The following WSCD2 variants were observed in gnomAD, a reference collection of about 807,000 sequenced individuals.
WSCD2 encodes the protein WSC domain sialate O sulfotransferase 2, also known as sialate:O-sulfotransferase 2.
A neutral mutation model predicts 55.7 loss-of-function variants in WSCD2; 28 were observed. That is an observed-to-expected ratio of 0.50 (90% CI 0.37 to 0.69). WSCD2 has a LOEUF of 0.69. WSCD2 is among the 30% of genes least tolerant of loss of function. The pLI, the probability that WSCD2 is intolerant of heterozygous loss-of-function variation, is 0.00. For missense variants in WSCD2, 616 were observed against 762.1 expected, an observed-to-expected ratio of 0.81 and a Z score of 2.26; for synonymous variants, 301 against 301.9, an observed-to-expected ratio of 1.00 and a Z score of 0.03.
Position 108,175,870 on chromosome 12 carries a change from C to T in WSCD2, c.-551-19412C>T, listed in dbSNP as rs150440611. On this transcript the variant is annotated intron_variant, in intron 1 of 8. Coordinates refer to ENST00000547525, the MANE Select transcript of WSCD2 (RefSeq NM_014653.4). ...TTTCTTTTTTTTTGAGACAGAGTCT[C>T]GCTCTGTCGCCCAGGCTGGAGTGCA... Among the ~76,000 whole-genome samples, 1,031 of 152,188 alleles carry T rather than the reference C, an allele frequency of 6.8e-3. 16 individuals are homozygous for T. Among genetic ancestry groups the T allele is most frequent in the African/African-American group, 0.024 (978 of 41,522 alleles).
intron 1 of WSCD2, among the ~76,000 whole-genome samples, chr12:108,183,649 A>G (rs146130130): frequency 0.011 from 1,604 of 152,292 alleles, 33 homozygotes; most frequent in African/African-American, 0.035. Context: ...GCGGGCTCTG[A>G]GCATTCAGAG....
At chr12:108,170,447 T>A (rs548194185) in intron 1 of WSCD2, among the ~76,000 whole-genome samples, 1 of 151,906 alleles carries the variant, frequency 6.6e-6, no homozygotes, top group Non-Finnish European at 1.5e-5. Flanking sequence ...TTGACAACAA[T>A]GATGATGATG....
intron 2 of WSCD2, among the ~76,000 whole-genome samples, chr12:108,197,841 C>G (rs115037008): frequency 6.6e-6 from 1 of 151,394 alleles, no homozygotes; most frequent in African/African-American, 2.4e-5. Context: ...CCCCACTCCC[C>G]TCACCATGCT....
At chr12:108,242,090 C>G (rs937758714) in intron 8 of WSCD2, among the ~76,000 whole-genome samples, 1 of 152,234 alleles carries the variant, frequency 6.6e-6, no homozygotes, top group Non-Finnish European at 1.5e-5. Flanking sequence ...CATCCAGCCT[C>G]CAGGAACCAG....
chr12:108,170,445 A>G lies in WSCD2; in HGVS notation c.-551-24837A>G, dbSNP rs184467452. Among the ~76,000 whole-genome samples, 103 of 152,074 alleles carry G rather than the reference A, an allele frequency of 6.8e-4. 1 individual carries two copies. The highest frequency in any genetic ancestry group is 2.3e-3 in the African/African-American group (94 of 41,476). ...TGGCAGGGATGATGATATTGACAAC[A>G]ATGATGATGATGATGATGATGAGAA... On this transcript the variant is annotated intron_variant, in intron 1 of 8. Transcript: ENST00000547525.
chr12:108,216,623 G>C (rs1426362), intron 4 of WSCD2, among the ~76,000 whole-genome samples: 1 of 152,188 alleles, frequency 6.6e-6, no homozygotes, highest in East Asian at 1.9e-4. Flanking sequence ...CACCCATAGG[G>C]GACTAGAAAG....
At position 108,212,590 on chromosome 12, in the gene WSCD2, T is replaced by TTCTC. The variant is rs111941873; in HGVS notation, c.682+2306_682+2309dup. On this transcript the variant is annotated intron_variant, in intron 4 of 8. Transcript: ENST00000547525. The stretch of plus-strand genomic sequence containing the variant: ...TCTTCCGCTGTCTCTCCACCCCCAT[T>TTCTC]TCTCTCTCTCTCTCTCTCTCTCTCA... Among the ~76,000 whole-genome samples the TTCTC allele has an allele frequency of 6.3e-3, 750 of 118,516 alleles. 2 individuals are homozygous for TTCTC. The highest frequency in any genetic ancestry group is 0.015 in the South Asian group (45 of 2,918). The allele number at this position is 118,516 out of a possible 152,430, so 77.8% of individuals were successfully genotyped here.
chr12:108,206,589 C>A (rs763847481), intron 3 of WSCD2, among the ~76,000 whole-genome samples, 186 bp downstream of exon 3: 1 of 152,356 alleles, frequency 6.6e-6, no homozygotes, highest in Middle Eastern at 3.4e-3. Context: ...CAACTGAGGA[C>A]TGCTCAAGAG....
chr12:108,206,484 A>G (rs1885389562), intron 3 of WSCD2, 81 bp downstream of exon 3: 3 of 1,394,200 alleles, frequency 2.2e-6, no homozygotes, highest in Admixed American at 3.6e-5. Flanking sequence ...TTGCCCTGCT[A>G]TGGGAGGGTG....
At chr12:108,166,789 C>CTTTCTTTCTTTCTTTCTT (rs1232364251) in intron 1 of WSCD2, among the ~76,000 whole-genome samples, 35 of 133,230 alleles carry the variant, frequency 2.6e-4, no homozygotes, top group African/African-American at 9.8e-4. Context: ...TTCTTTCTTT[C>CTTTCTTTCTTTCTTTCTT]TGTCTTTCTT....
intron 3 of WSCD2, among the ~76,000 whole-genome samples, chr12:108,209,293 C>T (rs1393574300): frequency 6.6e-6 from 1 of 152,176 alleles, no homozygotes; most frequent in Non-Finnish European, 1.5e-5. Context: ...GAGTCCCTGC[C>T]TCCCTCATGA....
chr12:108,247,343 A>G (rs1410214333), intron 8 of WSCD2, among the ~76,000 whole-genome samples: 1 of 150,518 alleles, frequency 6.6e-6, no homozygotes, highest in Non-Finnish European at 1.5e-5. Flanking sequence ...TAACATAAAT[A>G]ATATATAACA....
chr12:108,248,333 A>G lies in WSCD2; in HGVS notation c.1688A>G (p.Tyr563Cys). ...CTAACGGGTGTCCCCGATGACTACT[A>G]CCCAAGATGATGCGTCCACACAGGG... Reference protein sequence around the residue: ...RNLTGVPDDYYPR With the variant: ...RNLTGVPDDYCPR The change falls in exon 9 of 9, where the codon TAC (tyrosine) becomes TGC (cysteine). Residue 563 changes from tyrosine (Y) to cysteine (C), a missense_variant. This residue lies in a region of WSCD2 where 234 missense variants were observed against 264.6 expected (regional missense o/e 0.88). Transcript: ENST00000547525. The surrounding 1 kb of genome is among the most constrained non-coding windows in gnomAD (Gnocchi z 4.3). The G allele has an allele frequency of 6.2e-7, 1 of 1,609,906 alleles. No homozygotes were observed. The highest frequency in any genetic ancestry group is 8.5e-7 in the Non-Finnish European group (1 of 1,176,794).
intron 7 of WSCD2, among the ~76,000 whole-genome samples, chr12:108,235,855 TG>T (rs1889213760): frequency 6.6e-6 from 1 of 152,122 alleles, no homozygotes; most frequent in South Asian, 2.1e-4. Context: ...GAACTCTCCC[TG>T]GGAGCTTGGA....
intron 1 of WSCD2, among the ~76,000 whole-genome samples, chr12:108,166,760 CTTTT>C (rs1402383727): frequency 5.0e-4 from 13 of 25,838 alleles, no homozygotes; most frequent in East Asian, 3.7e-3. Context: ...TTCTTTCTTT[CTTTT>C]CTTTCTTTCT....
In WSCD2 at chr12:108,172,436, G is replaced by A. The variant is rs115658524; in HGVS notation, c.-551-22846G>A. ...GCTAAAGAGTGCCCCCCAAAATTCC[G>A]TGTCCATCTGGAACCTCAGAATTGG... On this transcript the variant is annotated intron_variant, in intron 1 of 8. Transcript: ENST00000547525. 2.2e-3 allele frequency among the ~76,000 whole-genome samples: 330 copies of A among 152,280 alleles called. 1 individual carries two copies. The highest frequency in any genetic ancestry group is 7.2e-3 in the African/African-American group (299 of 41,556).
At chr12:108,174,723 T>C (rs923699335) in intron 1 of WSCD2, among the ~76,000 whole-genome samples, 2 of 152,352 alleles carry the variant, frequency 1.3e-5, no homozygotes, top group African/African-American at 4.8e-5. Flanking sequence ...CAAAGGATCC[T>C]TCTGCCTCAG....
chr12:108,153,129 A>AC (rs58767543), intron 1 of WSCD2, among the ~76,000 whole-genome samples: 33 of 151,556 alleles, frequency 2.2e-4, no homozygotes, highest in South Asian at 1.0e-3. Flanking sequence ...AAACAAACAA[A>AC]AACTGACTTA....
At chr12:108,217,503 G>T (rs1886981034) in intron 4 of WSCD2, among the ~76,000 whole-genome samples, 1 of 152,122 alleles carries the variant, frequency 6.6e-6, no homozygotes, top group African/African-American at 2.4e-5. Context: ...CAAGACAGTG[G>T]AGAGCCACCT....
Sources: allele counts gnomAD v4.1 joint callset (sites outside exome capture counted in the v4.1 genomes callset), GRCh38; gene constraint gnomAD v4.1.1; regional missense constraint gnomAD v4.1.1; non-coding constraint Gnocchi (gnomAD v3.1); transcripts MANE v1.5; gene names NCBI Gene and HGNC (gene_info 2026-07-23, HGNC 2026-07-21).